The following FOXN2 variants were observed in gnomAD, a reference collection of about 807,000 sequenced individuals.
FOXN2 encodes the protein forkhead box protein N2.
In FOXN2, 19 loss-of-function variants were observed where a neutral mutation model predicts 41.2. That is an observed-to-expected ratio of 0.46 (90% CI 0.32 to 0.68). FOXN2 has a LOEUF of 0.68. Ranked by LOEUF, FOXN2 falls within the 30% of genes least tolerant of loss-of-function variation. The pLI, the probability that FOXN2 is intolerant of heterozygous loss-of-function variation, is 0.03. For synonymous variants in FOXN2, 195 were observed against 176.8 expected (o/e 1.10, Z -0.82); for missense variants, 587 against 509.4 (o/e 1.15, Z -1.47).
Position 48,377,104 on chromosome 2 carries a change from GTTAAA to G in FOXN2, c.*1664_*1668del, listed in dbSNP as rs1673303654. 1 of 151,794 alleles carries G rather than the reference GTTAAA, an allele frequency of 6.6e-6. No homozygotes were observed. The highest frequency in any genetic ancestry group is 2.4e-5 in the African/African-American group (1 of 41,374). 9.4% of individuals were successfully genotyped at this position (151,794 alleles called of 1,614,324 possible). ...TTAATGTTCTCTGTTCTGTTTCCATGTTAAATTTAATTTAACCTGGATAGCCACAT... is the reference window on the plus strand; with the variant it reads ...TTAATGTTCTCTGTTCTGTTTCCATGTTTAATTTAACCTGGATAGCCACAT... On this transcript the variant is annotated 3_prime_UTR_variant, in exon 7 of 7. Coordinates refer to ENST00000340553, the MANE Select transcript of FOXN2 (RefSeq NM_002158.4).
At chr2:48,351,660 G>A (rs72820422) in intron 3 of FOXN2, among the ~76,000 whole-genome samples, 20,560 of 151,918 alleles carry the variant, frequency 0.14, 1,687 homozygotes, top group East Asian at 0.45. Flanking sequence ...TCACAATAGG[G>A]TTTGAGCTCC....
At chr2:48,374,514 T>A (rs1673105028) in intron 6 of FOXN2, among the ~76,000 whole-genome samples, 1 of 152,096 alleles carries the variant, frequency 6.6e-6, no homozygotes, top group Non-Finnish European at 1.5e-5. Flanking sequence ...CCTTAGCAAT[T>A]TTTTCATATC....
In FOXN2 at chr2:48,325,210, T is replaced by C. The variant is rs113266298; in HGVS notation, c.-156-3351T>C. On this transcript the variant is annotated intron_variant, in intron 1 of 6. Transcript: ENST00000340553. ...GAATTCTGGAGCCAGTACTTCCAGT[T>C]TGGAGCACACCGTTTAATCCTTCTC... 3.5e-3 allele frequency among the ~76,000 whole-genome samples: 527 copies of C among 152,248 alleles called. 6 individuals carry two copies. Among genetic ancestry groups the C allele is most frequent in the African/African-American group, 0.012 (497 of 41,500 alleles).
chr2:48,374,932 T>C lies in FOXN2; in HGVS notation c.785T>C (p.Leu262Pro), dbSNP rs756367966. 8 of 1,609,762 alleles carry C rather than the reference T, an allele frequency of 5.0e-6. No individual in the cohort carries two copies. The African/African-American group carries it at 5.3e-5, about 11-fold the overall frequency. The change falls in exon 7 of 7, where the codon CTT becomes CCT. Residue 262 changes from leucine to proline, a missense_variant. Leu to Pro is a moderately conservative substitution (Grantham distance 98, BLOSUM62 -3). Coordinates refer to ENST00000340553, the MANE Select transcript of FOXN2 (RefSeq NM_002158.4). ...EQGILECEKPLPLKTALQKKR... is the reference protein window; with the variant it reads ...EQGILECEKPPPLKTALQKKR... Reference sequence around the variant, plus strand: ...TTATTTTCCACAGGTGAGAAGCCTCTTCCTCTTAAAACAGCATTGCAAAAA... The same window carrying C: ...TTATTTTCCACAGGTGAGAAGCCTCCTCCTCTTAAAACAGCATTGCAAAAA...
At chr2:48,357,009 A>T (rs1372085281) in intron 3 of FOXN2, among the ~76,000 whole-genome samples, 1 of 152,202 alleles carries the variant, frequency 6.6e-6, no homozygotes, top group East Asian at 1.9e-4. Context: ...AAGCCCAATA[A>T]TATAGGACCA....
intron 3 of FOXN2, among the ~76,000 whole-genome samples, chr2:48,348,800 G>A (rs1375296303): frequency 1.3e-5 from 2 of 152,152 alleles, no homozygotes; most frequent in Non-Finnish European, 2.9e-5. Context: ...TGACTTTTTT[G>A]TCTCAGCATT....
intron 3 of FOXN2, among the ~76,000 whole-genome samples, chr2:48,351,167 G>C (rs1006968293): frequency 1.3e-5 from 2 of 152,056 alleles, no homozygotes; most frequent in African/African-American, 2.4e-5. Context: ...TTGCCATGCT[G>C]CCCAGGCTGG....
Position 48,376,668 on chromosome 2 carries a change from A to T in FOXN2, c.*1225A>T, listed in dbSNP as rs1673272580. On this transcript the variant is annotated 3_prime_UTR_variant, in exon 7 of 7. Transcript: ENST00000340553. ...AAAAGTGCTTTGACTAAGTATCTTA[A>T]CTATTTGAACAGTCTGCTTATATGA... 6.6e-6 allele frequency: 1 copy of T among 152,502 alleles called. No individual in the cohort carries two copies. Among genetic ancestry groups the T allele is most frequent in the Non-Finnish European group, 1.5e-5 (1 of 67,932 alleles). 9.4% of individuals were successfully genotyped at this position (152,502 alleles called of 1,614,324 possible).
At chr2:48,373,210 G>A (rs577570012) in intron 5 of FOXN2, 82 bp from the exon 6 acceptor site, 5 of 941,822 alleles carry the variant, frequency 5.3e-6, no homozygotes, top group Non-Finnish European at 8.2e-6. Context: ...TGTAACGCTG[G>A]TTATCTTCAG....
At chr2:48,321,808 G>T (rs915354925) in intron 1 of FOXN2, among the ~76,000 whole-genome samples, 2 of 152,102 alleles carry the variant, frequency 1.3e-5, no homozygotes, top group African/African-American at 4.8e-5. Flanking sequence ...GTTTGTTTTA[G>T]TTAAATATGT....
At chr2:48,342,417 A>G (rs1349613688) in intron 2 of FOXN2, among the ~76,000 whole-genome samples, 8 of 152,152 alleles carry the variant, frequency 5.3e-5, no homozygotes, top group Admixed American at 1.3e-4. Context: ...TTTTCCCTAC[A>G]TAAGATTATT....
intron 4 of FOXN2, among the ~76,000 whole-genome samples, chr2:48,362,313 T>A (rs1270589589): frequency 6.6e-6 from 1 of 152,180 alleles, no homozygotes; most frequent in East Asian, 1.9e-4. Context: ...CGCCTGTAAT[T>A]CCAGCACTGT....
chr2:48,339,637 A>T (rs537431786), intron 2 of FOXN2, among the ~76,000 whole-genome samples: 3 of 152,342 alleles, frequency 2.0e-5, no homozygotes, highest in African/African-American at 7.2e-5. Flanking sequence ...TGGCAAGTAC[A>T]TGAAGCATTT....
rs1341780699 is a variant in FOXN2 at position 48,314,983 on chromosome 2, C to A, written c.-157+169C>A. Among the ~76,000 whole-genome samples, 5 of 151,992 alleles carry A rather than the reference C, an allele frequency of 3.3e-5. No individual in the cohort carries two copies. In the East Asian group the frequency reaches 9.7e-4, roughly 30 times the overall value. The stretch of plus-strand genomic sequence containing the variant: ...TTTTTGTCCAGTGAGGAATTTGCGC[C>A]GGCGCGGGGGTGTCCCCGGCGCGCG... On this transcript the variant is annotated intron_variant, in intron 1 of 6. Coordinates refer to ENST00000340553, the MANE Select transcript of FOXN2 (RefSeq NM_002158.4).
chr2:48,350,491 C>G (rs1316450346), intron 3 of FOXN2, among the ~76,000 whole-genome samples: 1 of 152,186 alleles, frequency 6.6e-6, no homozygotes, highest in Admixed American at 6.5e-5. Context: ...CTAGAGTGGG[C>G]AAAGTATTTT....
At position 48,335,599 on chromosome 2, in the gene FOXN2, T is replaced by A. The variant is rs1467862194; in HGVS notation, c.-15+6897T>A. Among the ~76,000 whole-genome samples the A allele has an allele frequency of 2.5e-5, 3 of 120,546 alleles. No individual in the cohort carries two copies. In the East Asian group the frequency reaches 7.9e-4, roughly 32 times the overall value. 79.1% of individuals were successfully genotyped at this position (120,546 alleles called of 152,430 possible). On this transcript the variant is annotated intron_variant, in intron 2 of 6. Transcript: ENST00000340553. ...AAAATGTGAAAGTTCAGTGACAGAC[T>A]ATTTTTTAAGCAGAAGTAAATGATC...
chr2:48,360,834 G>A (rs936303105), intron 4 of FOXN2, among the ~76,000 whole-genome samples: 3 of 148,278 alleles, frequency 2.0e-5, no homozygotes, highest in Non-Finnish European at 3.0e-5. Context: ...ACAACATGGA[G>A]AAACCCTGTC....
At chr2:48,372,553 A>T (rs1368912113) in intron 5 of FOXN2, among the ~76,000 whole-genome samples, 1 of 152,156 alleles carries the variant, frequency 6.6e-6, no homozygotes, top group Non-Finnish European at 1.5e-5. Context: ...TTCTTTAGTT[A>T]TTCAGACTAG....
intron 3 of FOXN2, among the ~76,000 whole-genome samples, chr2:48,358,278 A>G (rs1428003966): frequency 6.6e-6 from 1 of 152,146 alleles, no homozygotes; most frequent in East Asian, 1.9e-4. Context: ...CAGTTTCAGA[A>G]TGGCCCCTTA....
Sources: gnomAD v4.1 joint callset for allele counts (sites outside exome capture counted in the v4.1 genomes callset) on GRCh38, gnomAD v4.1.1 for gene constraint, MANE v1.5 for transcripts, NCBI Gene and HGNC (gene_info 2026-07-23, HGNC 2026-07-21) for gene names.